RASEF: variants seen among roughly 807,000 people sequenced by gnomAD.
The protein encoded by RASEF is ras and EF-hand domain-containing protein.
Under a neutral mutation model 90.1 loss-of-function variants are expected in RASEF, and 68 were observed. The ratio of observed to expected loss-of-function variants is 0.75; its 90% CI spans 0.62 to 0.92. RASEF has a LOEUF of 0.92. Among genes scored for constraint, RASEF ranks in the 40% least tolerant of loss-of-function variants. The probability of loss-of-function intolerance (pLI) is 0.00; values close to 1 mark genes in which losing one functional copy is unlikely to be tolerated. For missense variants in RASEF, 949 were observed against 937.2 expected (o/e 1.01, Z -0.16); for synonymous variants, 331 against 345.2 (o/e 0.96, Z 0.46).
At chr9:82,983,317 A>G (rs978571144) in intron 16 of RASEF, among the ~76,000 whole-genome samples, 17 of 152,266 alleles carry the variant, frequency 1.1e-4, no homozygotes, top group Middle Eastern at 3.4e-3. Context: ...TTAATTATAC[A>G]TGATCATGGA....
At chr9:83,009,849 T>C in intron 5 of RASEF, 93 bp from the exon 6 acceptor site, 1 of 684,300 alleles carries the variant, frequency 1.5e-6, no homozygotes. Context: ...CCCACACCAC[T>C]CTCACCCTTC....
the RASEF span, among the ~76,000 whole-genome samples, chr9:83,078,831 T>C: frequency 6.6e-6 from 1 of 152,246 alleles, no homozygotes; most frequent in Non-Finnish European, 1.5e-5. Context: ...ATATGCTTGT[T>C]GGCCACATAT....
At chr9:83,029,127 T>C (rs1053257391) in intron 1 of RASEF, among the ~76,000 whole-genome samples, 1 of 152,162 alleles carries the variant, frequency 6.6e-6, no homozygotes, top group African/African-American at 2.4e-5. Context: ...ACAAATACCA[T>C]ATAGGGCCCA....
At chr9:83,044,955 T>C (rs1159796041) in intron 1 of RASEF, among the ~76,000 whole-genome samples, 1 of 152,184 alleles carries the variant, frequency 6.6e-6, no homozygotes, top group Non-Finnish European at 1.5e-5. Flanking sequence ...GGAATTCTGC[T>C]AGCAGATGAC....
the RASEF span, among the ~76,000 whole-genome samples, chr9:83,133,017 A>T: frequency 6.6e-6 from 1 of 152,170 alleles, no homozygotes; most frequent in African/African-American, 2.4e-5. Flanking sequence ...TAGTTCCAGG[A>T]TGTACTGTTC....
chr9:83,084,000 A>G, the RASEF span, among the ~76,000 whole-genome samples: 1 of 152,164 alleles, frequency 6.6e-6, no homozygotes. Flanking sequence ...CAACAGGATA[A>G]TACATAAATA....
chr9:83,069,706 A>G, the RASEF span, among the ~76,000 whole-genome samples: 1 of 152,186 alleles, frequency 6.6e-6, no homozygotes, highest in African/African-American at 2.4e-5. Flanking sequence ...GCTGGGTCAT[A>G]TGGTAGGTAT....
the RASEF span, among the ~76,000 whole-genome samples, chr9:83,183,989 G>A: frequency 5.2e-3 from 799 of 152,266 alleles, 7 homozygotes; most frequent in African/African-American, 0.018. Context: ...GGGGTGGGGT[G>A]TATTTGCACT....
At chr9:83,214,245 A>T in the RASEF span, among the ~76,000 whole-genome samples, 20 of 152,252 alleles carry the variant, frequency 1.3e-4, no homozygotes, top group Non-Finnish European at 2.1e-4. Flanking sequence ...TTAGCCAGGC[A>T]TGTTGGTGTG....
the RASEF span, among the ~76,000 whole-genome samples, chr9:83,159,360 G>T: frequency 6.6e-6 from 1 of 152,026 alleles, no homozygotes; most frequent in East Asian, 1.9e-4. Context: ...CCTAAGTTTT[G>T]GTTTGTTCAG....
the RASEF span, among the ~76,000 whole-genome samples, chr9:83,190,172 C>T: frequency 6.6e-6 from 1 of 152,166 alleles, no homozygotes; most frequent in African/African-American, 2.4e-5. Context: ...ACACAAATTT[C>T]TAGGATTCAA....
chr9:82,987,217 G>C (rs1386585931), intron 16 of RASEF, among the ~76,000 whole-genome samples: 1 of 151,722 alleles, frequency 6.6e-6, no homozygotes, highest in African/African-American at 2.4e-5. Flanking sequence ...AAGCCAATCC[G>C]AAGGCTAAGT....
At chr9:82,991,929 CTGTT>C (rs1486357601) in intron 15 of RASEF, among the ~76,000 whole-genome samples, 1 of 152,198 alleles carries the variant, frequency 6.6e-6, no homozygotes, top group African/African-American at 2.4e-5. Context: ...AGGGCAAGGA[CTGTT>C]TGCTTTGTTC....
the RASEF span, among the ~76,000 whole-genome samples, chr9:83,114,740 C>T: frequency 8.4e-4 from 128 of 152,246 alleles, 1 homozygote; most frequent in African/African-American, 2.9e-3. Context: ...AAGAAATTCC[C>T]GCCTAATAAA....
At chr9:83,194,053 C>A in the RASEF span, among the ~76,000 whole-genome samples, 9 of 152,240 alleles carry the variant, frequency 5.9e-5, no homozygotes, top group South Asian at 1.7e-3. Flanking sequence ...CCTATATACC[C>A]CTCCCTTTGT....
upstream of RASEF, among the ~76,000 whole-genome samples, chr9:83,065,036 C>G (rs528847127): frequency 6.6e-6 from 1 of 152,142 alleles, no homozygotes; most frequent in Non-Finnish European, 1.5e-5. Context: ...CCACTGCACT[C>G]CAGCCTGGGC....
intron 7 of RASEF, 141 bp downstream of exon 7, chr9:83,007,296 G>T: frequency 1.5e-6 from 1 of 685,756 alleles, no homozygotes; most frequent in Non-Finnish European, 2.6e-6. Context: ...GATGCCAAGT[G>T]CACACCCTGA....
intron 1 of RASEF, among the ~76,000 whole-genome samples, chr9:83,060,695 AGCGGATGGCT>A (rs1326513814): frequency 6.6e-6 from 1 of 152,228 alleles, no homozygotes; most frequent in East Asian, 1.9e-4. Context: ...TTACCAAAAC[AGCGGATGGCT>A]GCCATGGTAA....
chr9:83,110,866 C>T, the RASEF span, among the ~76,000 whole-genome samples: 2 of 152,036 alleles, frequency 1.3e-5, no homozygotes, highest in Non-Finnish European at 2.9e-5. Flanking sequence ...AAACCAATCC[C>T]CACTAGAGAA....
Sources: allele counts gnomAD v4.1 joint callset (sites outside exome capture counted in the v4.1 genomes callset), GRCh38; gene constraint gnomAD v4.1.1; transcripts MANE v1.5; gene names NCBI Gene and HGNC (gene_info 2026-07-23, HGNC 2026-07-21).